Variants in BICRAL observed in about 807,000 individuals in gnomAD.
BICRAL encodes BICRA like chromatin remodeling complex associated protein, also known as BRD4-interacting chromatin-remodeling complex-associated protein-like.
In BICRAL, 8 loss-of-function variants were observed where a neutral mutation model predicts 91.8. That is an observed-to-expected ratio of 0.09 (90% CI 0.05 to 0.16). The LOEUF is 0.16. Ranked by LOEUF, BICRAL falls within the 10% of genes least tolerant of loss-of-function variation. The pLI, the probability that BICRAL is intolerant of heterozygous loss-of-function variation, is 1.00. For synonymous variants in BICRAL, 445 were observed against 491.1 expected, an observed-to-expected ratio of 0.91 and a Z score of 1.24; for missense variants, 1,038 against 1,310.9, an observed-to-expected ratio of 0.79 and a Z score of 3.21.
chr6:42,812,868 C>T (rs1276789510), intron 2 of BICRAL, among the ~76,000 whole-genome samples: 1 of 152,046 alleles, frequency 6.6e-6, no homozygotes, highest in East Asian at 1.9e-4. Flanking sequence ...AACCCTGTCT[C>T]TACAGAAAAT....
chr6:42,792,317 T>G (rs1763297833), intron 1 of BICRAL, among the ~76,000 whole-genome samples: 2 of 152,172 alleles, frequency 1.3e-5, no homozygotes, highest in Admixed American at 1.3e-4. Context: ...CACCCAGGGT[T>G]GAAGTCCAGT....
At chr6:42,802,479 G>A (rs933266538) in intron 1 of BICRAL, among the ~76,000 whole-genome samples, 7 of 151,072 alleles carry the variant, frequency 4.6e-5, no homozygotes, top group Admixed American at 1.3e-4. Context: ...ATGGAGTTTC[G>A]CCCTTGTTGC....
chr6:42,852,783 G>GA (rs1263550031), intron 7 of BICRAL, among the ~76,000 whole-genome samples: 2 of 150,238 alleles, frequency 1.3e-5, no homozygotes, highest in Non-Finnish European at 3.0e-5. Flanking sequence ...AAATTATGTG[G>GA]AAAAAAAATA....
intron 1 of BICRAL, among the ~76,000 whole-genome samples, chr6:42,795,934 T>C (rs1458056872): frequency 6.6e-6 from 1 of 152,162 alleles, no homozygotes; most frequent in Admixed American, 6.5e-5. Context: ...ATCTAGGCAG[T>C]TGGATCATAT....
intron 1 of BICRAL, among the ~76,000 whole-genome samples, chr6:42,798,008 A>G (rs995393964): frequency 6.6e-6 from 1 of 152,198 alleles, no homozygotes; most frequent in Non-Finnish European, 1.5e-5. Context: ...GGACCCAGAT[A>G]TGGAAAAGAA....
chr6:42,752,957 T>C (rs186455381), intron 1 of BICRAL, among the ~76,000 whole-genome samples: 2 of 144,908 alleles, frequency 1.4e-5, no homozygotes, highest in East Asian at 4.1e-4. Flanking sequence ...TACGGAGTTT[T>C]GCTCTGTCAC....
At chr6:42,815,630 C>T (rs972160897) in intron 2 of BICRAL, among the ~76,000 whole-genome samples, 7 of 152,092 alleles carry the variant, frequency 4.6e-5, no homozygotes, top group African/African-American at 1.7e-4. Flanking sequence ...ACTGTTATAT[C>T]TCTGCCTTGG....
chr6:42,768,928 G>A (rs1339877424), intron 1 of BICRAL, among the ~76,000 whole-genome samples: 1 of 152,206 alleles, frequency 6.6e-6, no homozygotes, highest in African/African-American at 2.4e-5. Context: ...TGATGTGACA[G>A]ATGCTTTGAG....
chr6:42,752,347 G>A (rs1762393411), intron 1 of BICRAL, among the ~76,000 whole-genome samples: 1 of 152,208 alleles, frequency 6.6e-6, no homozygotes, highest in Admixed American at 6.5e-5. Flanking sequence ...CCAGCACTGA[G>A]CCAGGGAGGC....
chr6:42,831,254 A>G (rs1336184847), intron 6 of BICRAL, among the ~76,000 whole-genome samples: 1 of 152,230 alleles, frequency 6.6e-6, no homozygotes, highest in African/African-American at 2.4e-5. Flanking sequence ...CTATTAGGAC[A>G]TGTGACTGTG....
At chr6:42,823,237 C>T (rs1764195477) in intron 5 of BICRAL, among the ~76,000 whole-genome samples, 1 of 152,084 alleles carries the variant, frequency 6.6e-6, no homozygotes, top group Non-Finnish European at 1.5e-5. Flanking sequence ...GCGATCCTCC[C>T]ACCTCAGCCT....
chr6:42,761,214 G>A (rs1195802265), intron 1 of BICRAL, among the ~76,000 whole-genome samples: 1 of 152,186 alleles, frequency 6.6e-6, no homozygotes, highest in African/African-American at 2.4e-5. Flanking sequence ...CAGCAGTTTG[G>A]GAGGCTGAGG....
chr6:42,782,842 G>T (rs1762960527), intron 1 of BICRAL, among the ~76,000 whole-genome samples: 1 of 152,140 alleles, frequency 6.6e-6, no homozygotes. Context: ...AGTGACGGCG[G>T]GCGAGGAAGA....
chr6:42,767,494 A>T (rs1451096481), intron 1 of BICRAL, among the ~76,000 whole-genome samples: 1 of 152,186 alleles, frequency 6.6e-6, no homozygotes, highest in African/African-American at 2.4e-5. Context: ...TCCAGGGAAC[A>T]CTTGTCCATG....
upstream of BICRAL, among the ~76,000 whole-genome samples, chr6:42,746,601 G>A (rs1270033946): frequency 6.6e-6 from 1 of 152,130 alleles, no homozygotes; most frequent in Non-Finnish European, 1.5e-5. Context: ...GGAGGAAGCA[G>A]CAGCTGGAAC....
At chr6:42,800,362 C>T (rs1167910411) in intron 1 of BICRAL, among the ~76,000 whole-genome samples, 1 of 152,012 alleles carries the variant, frequency 6.6e-6, no homozygotes, top group Non-Finnish European at 1.5e-5. Flanking sequence ...TGGGGTTTTG[C>T]CATGTTGGCC....
In BICRAL at chr6:42,801,650, G is replaced by T. The variant is rs1763573548; in HGVS notation, c.-101-8656G>T. ...TAATCCCAGCACTTTGGGAAGCAGA[G>T]GCAGGCGGATTACTTGAGGTCAGGA... is the stretch of plus-strand genomic sequence containing the variant. On this transcript the variant is annotated intron_variant, in intron 1 of 12. Coordinates refer to ENST00000314073, the MANE Select transcript of BICRAL (RefSeq NM_001393499.1). 2.0e-5 allele frequency among the ~76,000 whole-genome samples: 3 copies of T among 152,064 alleles called. No homozygotes were observed. In the South Asian group the frequency reaches 6.2e-4, roughly 32 times the overall value.
chr6:42,819,556 G>T (rs1357400556), intron 2 of BICRAL, among the ~76,000 whole-genome samples: 1 of 152,170 alleles, frequency 6.6e-6, no homozygotes, highest in African/African-American at 2.4e-5. Flanking sequence ...AAAGTGCTGG[G>T]ATTACAGGCA....
At chr6:42,856,672 A>G (rs925699730) in intron 9 of BICRAL, among the ~76,000 whole-genome samples, 2 of 152,092 alleles carry the variant, frequency 1.3e-5, no homozygotes, top group Non-Finnish European at 2.9e-5. Context: ...CATTTCAAAT[A>G]TATTGAATGT....
Sources: gnomAD v4.1 joint callset for allele counts (sites outside exome capture counted in the v4.1 genomes callset) on GRCh38, gnomAD v4.1.1 for gene constraint, MANE v1.5 for transcripts, NCBI Gene and HGNC (gene_info 2026-07-23, HGNC 2026-07-21) for gene names.